The following THSD7B variants were observed in gnomAD, a reference collection of about 807,000 sequenced individuals.
THSD7B encodes thrombospondin type 1 domain containing 7B, also known as thrombospondin type-1 domain-containing protein 7B.
Under a neutral mutation model 213.6 loss-of-function variants are expected in THSD7B, and 138 were observed. The ratio of observed to expected loss-of-function variants is 0.65; its 90% confidence interval spans 0.56 to 0.74. The LOEUF (loss-of-function observed/expected upper bound fraction) is 0.74. Among genes scored for constraint, THSD7B ranks in the 30% least tolerant of loss-of-function variants. THSD7B has a pLI of 0.00. For synonymous variants in THSD7B, 742 were observed against 687.0 expected (o/e 1.08, Z -1.25); for missense variants, 1,931 against 1,991.5 (o/e 0.97, Z 0.58).
At chr2:136,837,949 C>T (rs1317805148) in intron 1 of THSD7B, among the ~76,000 whole-genome samples, 1 of 152,150 alleles carries the variant, frequency 6.6e-6, no homozygotes, top group African/African-American at 2.4e-5. Flanking sequence ...ACCTGAGTTA[C>T]ATTCTGGCTG....
chr2:137,471,304 A>G (rs1688090953), intron 15 of THSD7B, among the ~76,000 whole-genome samples: 1 of 152,200 alleles, frequency 6.6e-6, no homozygotes, highest in Non-Finnish European at 1.5e-5. Flanking sequence ...TCAAATACAC[A>G]TCCACATTTC....
chr2:137,630,348 T>C (rs1449513146), intron 20 of THSD7B, among the ~76,000 whole-genome samples: 1 of 152,098 alleles, frequency 6.6e-6, no homozygotes, highest in Middle Eastern at 3.2e-3. Flanking sequence ...ATAGGATACA[T>C]GGCCCTTGAA....
At chr2:137,327,252 T>G (rs1056256787) in intron 12 of THSD7B, among the ~76,000 whole-genome samples, 8 of 152,220 alleles carry the variant, frequency 5.3e-5, no homozygotes, top group Non-Finnish European at 8.8e-5. Context: ...TGAGACATTC[T>G]GTGACATCTG....
chr2:137,412,632 T>G (rs1573611144), intron 14 of THSD7B, among the ~76,000 whole-genome samples: 1 of 143,968 alleles, frequency 6.9e-6, no homozygotes, highest in African/African-American at 2.5e-5. Context: ...AAAAAACAGT[T>G]TTACTATATA....
intron 12 of THSD7B, among the ~76,000 whole-genome samples, chr2:137,352,206 T>A (rs961059187): frequency 6.6e-6 from 1 of 151,544 alleles, no homozygotes; most frequent in Admixed American, 6.6e-5. Flanking sequence ...ATAAAAAAAT[T>A]TTCATGTAAT....
chr2:137,234,082 G>A (rs1328664571), intron 9 of THSD7B, among the ~76,000 whole-genome samples: 1 of 152,184 alleles, frequency 6.6e-6, no homozygotes, highest in Admixed American at 6.5e-5. Flanking sequence ...CTAAGCATAT[G>A]AGCTGAGAGT....
chr2:137,605,133 A>G (rs1033200481), intron 17 of THSD7B, among the ~76,000 whole-genome samples: 6 of 152,138 alleles, frequency 3.9e-5, no homozygotes, highest in Admixed American at 1.3e-4. Context: ...GACCTTCTCA[A>G]TTTGGCTGCA....
rs889993270 is a variant in THSD7B at position 137,109,028 on chromosome 2, A to G, written c.1200-6096A>G. On this transcript the variant is annotated intron_variant, in intron 4 of 27. Transcript: ENST00000409968. ...ATCCATCACTACTCTCTCTCATTCC[A>G]GGTCTAATCCATTAGAAGGTTGTCT... 2.0e-5 allele frequency among the ~76,000 whole-genome samples: 3 copies of G among 152,300 alleles called. No homozygotes were observed. In the East Asian group the frequency reaches 5.8e-4, roughly 29 times the overall value.
intron 4 of THSD7B, among the ~76,000 whole-genome samples, chr2:137,104,591 G>A (rs7604181): frequency 0.33 from 49,463 of 151,684 alleles, 10,277 homozygotes; most frequent in African/African-American, 0.59. Flanking sequence ...GACACGAAAA[G>A]CCCTTCAAAA....
chr2:136,775,111 T>C (rs1464223780), intron 1 of THSD7B, among the ~76,000 whole-genome samples: 1 of 152,174 alleles, frequency 6.6e-6, no homozygotes, highest in Non-Finnish European at 1.5e-5. Flanking sequence ...TTTATTTATA[T>C]ATGTCTATCT....
intron 15 of THSD7B, among the ~76,000 whole-genome samples, chr2:137,470,910 CTTTTTTTTTT>C (rs70978226): frequency 1.7e-5 from 2 of 119,822 alleles, no homozygotes; most frequent in Non-Finnish European, 3.4e-5. Flanking sequence ...TTTTTCTTTA[CTTTTTTTTTT>C]TTTTTTTTTT....
intron 9 of THSD7B, 54 bp from the exon 10 acceptor site, chr2:137,242,403 T>TAGG: frequency 7.1e-7 from 1 of 1,404,112 alleles, no homozygotes; most frequent in Non-Finnish European, 1.0e-6. Flanking sequence ...TAGTTCTGCG[T>TAGG]TCAACGGCTT....
At chr2:137,087,754 C>G (rs973660108) in intron 3 of THSD7B, among the ~76,000 whole-genome samples, 5 of 152,032 alleles carry the variant, frequency 3.3e-5, no homozygotes, top group Admixed American at 2.0e-4. Context: ...CAGTGCAATT[C>G]CTATAAAATA....
chr2:136,948,611 T>A (rs1684982970), intron 2 of THSD7B, among the ~76,000 whole-genome samples: 1 of 152,330 alleles, frequency 6.6e-6, no homozygotes, highest in South Asian at 2.1e-4. Context: ...TGTATAAGAA[T>A]GTGTATTTAT....
intron 15 of THSD7B, among the ~76,000 whole-genome samples, chr2:137,523,612 A>G (rs948615658): frequency 1.3e-5 from 2 of 152,310 alleles, no homozygotes; most frequent in East Asian, 1.9e-4. Flanking sequence ...TGTCTGCCCA[A>G]TAGCCATTCT....
chr2:137,643,588 T>C (rs1314716754), intron 21 of THSD7B, among the ~76,000 whole-genome samples: 1 of 152,226 alleles, frequency 6.6e-6, no homozygotes, highest in South Asian at 2.1e-4. Context: ...ATTAATACTT[T>C]GTCTACTAGT....
At chr2:136,907,325 A>G in intron 2 of THSD7B, among the ~76,000 whole-genome samples, 1 of 152,198 alleles carries the variant, frequency 6.6e-6, no homozygotes, top group South Asian at 2.1e-4. Context: ...AAATGGGCAG[A>G]AAGAGAAATA....
At position 137,131,071 on chromosome 2, in the gene THSD7B, C is replaced by G. The variant is rs1166756249; in HGVS notation, c.1369+15778C>G. Among the ~76,000 whole-genome samples the G allele has an allele frequency of 2.3e-4, 31 of 136,312 alleles. 1 individual carries two copies. In the South Asian group the frequency reaches 7.1e-3, roughly 31 times the overall value. The allele number at this position is 136,312 out of a possible 152,430, so 89.4% of individuals were successfully genotyped here. A position where few individuals can be genotyped will look rare whatever the true frequency, so the allele number is the denominator to read the frequency against. On this transcript the variant is annotated intron_variant, in intron 5 of 27. Coordinates refer to ENST00000409968, the MANE Select transcript of THSD7B (RefSeq NM_001316349.2). Reference sequence around the variant, plus strand: ...TCCTGACTTTTTAATGATCGCCATTCTAACTGATGTGAGATGGTATCTCAT... The same window carrying G: ...TCCTGACTTTTTAATGATCGCCATTGTAACTGATGTGAGATGGTATCTCAT...
chr2:137,195,251 T>TAC (rs1553478049), intron 7 of THSD7B, among the ~76,000 whole-genome samples: 6,395 of 150,050 alleles, frequency 0.043, 476 homozygotes, highest in African/African-American at 0.15. Flanking sequence ...TATATATATA[T>TAC]ACACACACAC....
Sources: gnomAD v4.1 joint callset for allele counts (sites outside exome capture counted in the v4.1 genomes callset) on GRCh38, gnomAD v4.1.1 for gene constraint, MANE v1.5 for transcripts, NCBI Gene and HGNC (gene_info 2026-07-23, HGNC 2026-07-21) for gene names.